Variants in SHISA3 observed in about 807,000 individuals in gnomAD.
SHISA3 encodes protein shisa-3 homolog.
Under a neutral mutation model 19.2 loss-of-function variants are expected in SHISA3, and 15 were observed. The observed-to-expected ratio is 0.78, with a 90% CI of 0.52 to 1.20. The LOEUF (loss-of-function observed/expected upper bound fraction) is 1.20, where lower values mean the gene tolerates loss of function less well. Ranked by LOEUF, SHISA3 falls within the 50% of genes most tolerant of loss-of-function variation. The pLI is 0.00. For synonymous variants in SHISA3, 145 were observed against 135.2 expected (o/e 1.07, Z -0.50); for missense variants, 327 against 315.7 (o/e 1.04, Z -0.27).
chr4:42,400,977 C>G, intron 1 of SHISA3, 35 bp from the exon 2 acceptor site: 2 of 1,592,850 alleles, frequency 1.3e-6, no homozygotes, highest in Non-Finnish European at 1.7e-6. Flanking sequence ...AGATCCTCAT[C>G]TGAGCATCTG....
rs866477983 is a variant in SHISA3, at chr4:42,398,297, G to T, written c.241G>T (p.Asp81Tyr). ...GCTGGAGCAGGGCGGCTGCACCAAC[G>T]ACCGCCGCGAACTGGAGCACCCAGG... is the stretch of plus-strand genomic sequence containing the variant. ...ARLEQGGCTN[D>Y]RRELEHPGIT... is the part of the protein sequence containing the mutation. The change falls in exon 1 of 2, where the codon GAC (aspartate) becomes TAC (tyrosine). Residue 81 changes from aspartate to tyrosine, a missense_variant. Physicochemically the swap from Asp to Tyr is radical, Grantham distance 160. Coordinates refer to ENST00000319234, the MANE Select transcript of SHISA3 (RefSeq NM_001080505.3). 19 of 1,561,590 alleles carry T rather than the reference G, an allele frequency of 1.2e-5. No homozygotes were observed. The highest frequency in any genetic ancestry group is 1.6e-5 in the Non-Finnish European group (19 of 1,154,554).
rs970715307 is a variant in SHISA3 at position 42,401,083 on chromosome 4, G to C, written c.349G>C (p.Ala117Pro). Reference protein sequence around the residue: ...IAFIILGSVVAIYCCTCLRPK... With the variant: ...IAFIILGSVVPIYCCTCLRPK... ...GTTCATCATCCTGGGCTCTGTAGTG[G>C]CTATTTATTGTTGCACCTGTTTGAG... Residue 117 changes from alanine to proline, a missense_variant, in exon 2 of 2, where the codon GCT (alanine) becomes CCT (proline). Physicochemically the swap from Ala to Pro is conservative, Grantham distance 27 (BLOSUM62 -1). Transcript: ENST00000319234. 1.2e-6 allele frequency: 2 copies of C among 1,614,182 alleles called. No homozygotes were observed. Among genetic ancestry groups the C allele is most frequent in the Non-Finnish European group, 8.5e-7 (1 of 1,180,026 alleles).
chr4:42,400,322 T>C (rs1711870895), intron 1 of SHISA3, among the ~76,000 whole-genome samples: 1 of 152,226 alleles, frequency 6.6e-6, no homozygotes, highest in Non-Finnish European at 1.5e-5. Context: ...GTGATCTATC[T>C]AAAGTTCAGT....
At chr4:42,399,427 A>G (rs1711844007) in intron 1 of SHISA3, among the ~76,000 whole-genome samples, 1 of 152,236 alleles carries the variant, frequency 6.6e-6, no homozygotes, top group African/African-American at 2.4e-5. Flanking sequence ...GTTCTGGAGA[A>G]AAGATGCTCA....
At position 42,397,538 on chromosome 4, in the gene SHISA3, C is replaced by T. The variant is rs1333701000; in HGVS notation, c.-519C>T. On this transcript the variant is annotated 5_prime_UTR_variant, in exon 1 of 2. Transcript: ENST00000319234. The stretch of plus-strand genomic sequence containing the variant: ...GGCCGCGGCGGAGCTGACTCCTGCT[C>T]CTGTGACAGATAGGGGCTGGGGCTG... Among the ~76,000 whole-genome samples the T allele has an allele frequency of 6.6e-6, 1 of 152,178 alleles. No homozygotes were observed. Among genetic ancestry groups the T allele is most frequent in the African/African-American group, 2.4e-5 (1 of 41,450 alleles).
intron 1 of SHISA3, among the ~76,000 whole-genome samples, chr4:42,399,466 TG>T (rs998824689): frequency 6.6e-6 from 1 of 152,218 alleles, no homozygotes; most frequent in African/African-American, 2.4e-5. Context: ...TAGGCCCTCC[TG>T]GCCTGTTAGA....
Position 42,398,199 on chromosome 4 carries a change from T to A in SHISA3, c.143T>A (p.Phe48Tyr). The A allele has an allele frequency of 6.2e-7, 1 of 1,604,460 alleles. No homozygotes were observed. The highest frequency in any genetic ancestry group is 1.1e-5 in the South Asian group (1 of 89,334). ...YHEGFQCPED[F>Y]DTLDATICCG... ...GAGGGCTTCCAGTGCCCAGAGGACT[T>A]CGACACGCTGGACGCTACCATCTGC... Residue 48 changes from phenylalanine to tyrosine, a missense_variant, in exon 1 of 2, where the codon TTC becomes TAC. Coordinates refer to ENST00000319234, the MANE Select transcript of SHISA3 (RefSeq NM_001080505.3).
Position 42,401,227 on chromosome 4 carries a change from G to A in SHISA3, c.493G>A (p.Ala165Thr). The A allele has an allele frequency of 1.9e-6, 3 of 1,614,196 alleles. No homozygotes were observed. Among genetic ancestry groups the A allele is most frequent in the Non-Finnish European group, 2.5e-6 (3 of 1,180,030 alleles). Residue 165 changes from alanine (A) to threonine (T), a missense_variant, in exon 2 of 2, where the codon GCC (alanine) becomes ACC (threonine). By Grantham distance (58) the Ala-to-Thr change is moderately conservative (BLOSUM62 0). Transcript: ENST00000319234. ...PRAPSRQSSTATSSSSTGGSI... is the reference protein window; with the variant it reads ...PRAPSRQSSTTTSSSSTGGSI... ...GGCACCCTCCCGGCAGTCCAGCACAGCCACGAGCTCCAGCTCCACAGGCGG... is the reference window on the plus strand; with the variant it reads ...GGCACCCTCCCGGCAGTCCAGCACAACCACGAGCTCCAGCTCCACAGGCGG...
In SHISA3 at chr4:42,402,295, CTAATTATTTAGTAGT is replaced by C; in HGVS notation, c.*845_*859del. On this transcript the variant is annotated 3_prime_UTR_variant, in exon 2 of 2. Coordinates refer to ENST00000319234, the MANE Select transcript of SHISA3 (RefSeq NM_001080505.3). ...TAATGTATTTACCACATTGACTGTACTAATTATTTAGTAGTCATACTGTAATTTTTATGTTAATAA... is the reference window on the plus strand; with the variant it reads ...TAATGTATTTACCACATTGACTGTACCATACTGTAATTTTTATGTTAATAA... The C allele has an allele frequency of 6.6e-6, 1 of 152,100 alleles. No individual in the cohort carries two copies. Among genetic ancestry groups the C allele is most frequent in the East Asian group, 1.9e-4 (1 of 5,180 alleles). The allele number at this position is 152,100 out of a possible 1,614,324, so 9.4% of individuals were successfully genotyped here. A position where few individuals can be genotyped will look rare whatever the true frequency, so the allele number is the denominator to read the frequency against.
At position 42,397,526 on chromosome 4, in the gene SHISA3, C is replaced by G. The variant is rs1026365902; in HGVS notation, c.-531C>G. Among the ~76,000 whole-genome samples, 3 of 152,206 alleles carry G rather than the reference C, an allele frequency of 2.0e-5. No individual in the cohort carries two copies. The highest frequency in any genetic ancestry group is 4.4e-5 in the Non-Finnish European group (3 of 68,022). On this transcript the variant is annotated 5_prime_UTR_variant, in exon 1 of 2. Coordinates refer to ENST00000319234, the MANE Select transcript of SHISA3 (RefSeq NM_001080505.3). Reference sequence around the variant, plus strand: ...CCGTTTGTACTTGGCCGCGGCGGAGCTGACTCCTGCTCCTGTGACAGATAG... The same window carrying G: ...CCGTTTGTACTTGGCCGCGGCGGAGGTGACTCCTGCTCCTGTGACAGATAG...
rs980038509 is a variant in SHISA3, at chr4:42,397,599, A to G, written c.-458A>G. On this transcript the variant is annotated 5_prime_UTR_variant, in exon 1 of 2. Transcript: ENST00000319234. ...TGTCTGGGGTACTCGCACGTGGGGA[A>G]CAAATTCTTTTCCTCCGGCTCCTCT... Among the ~76,000 whole-genome samples, 8 of 152,044 alleles carry G rather than the reference A, an allele frequency of 5.3e-5. No homozygotes were observed. Among genetic ancestry groups the G allele is most frequent in the African/African-American group, 1.7e-4 (7 of 41,406 alleles).
chr4:42,398,735 C>T (rs1711823289), intron 1 of SHISA3, among the ~76,000 whole-genome samples: 1 of 152,138 alleles, frequency 6.6e-6, no homozygotes, highest in Non-Finnish European at 1.5e-5. Context: ...CTTGTCACTT[C>T]GGGAGCTTCG....
Position 42,401,063 on chromosome 4 carries a change from T to C in SHISA3, c.329T>C (p.Ile110Thr). 1 of 1,614,200 alleles carries C rather than the reference T, an allele frequency of 6.2e-7. No homozygotes were observed. The highest frequency in any genetic ancestry group is 8.5e-7 in the Non-Finnish European group (1 of 1,180,034). ...GTCGGCTCCATCTTCATTGCGTTCA[T>C]CATCCTGGGCTCTGTAGTGGCTATT... The part of the protein sequence containing the change: ...LIVGSIFIAF[I>T]ILGSVVAIYC... Residue 110 changes from isoleucine (I) to threonine (T), a missense_variant, in exon 2 of 2, where the codon ATC becomes ACC. Coordinates refer to ENST00000319234, the MANE Select transcript of SHISA3 (RefSeq NM_001080505.3).
At chr4:42,399,591 C>T (rs1180980919) in intron 1 of SHISA3, among the ~76,000 whole-genome samples, 1 of 152,258 alleles carries the variant, frequency 6.6e-6, no homozygotes, top group South Asian at 2.1e-4. Flanking sequence ...GCGCTCCCTA[C>T]TCGGCTCGGA....
chr4:42,400,917 G>A (rs902324743), intron 1 of SHISA3, 95 bp from the exon 2 acceptor site: 1 of 1,266,860 alleles, frequency 7.9e-7, no homozygotes, highest in Non-Finnish European at 1.1e-6. Context: ...TAGTAACTGA[G>A]TCTCCCACCT....
intron 1 of SHISA3, among the ~76,000 whole-genome samples, chr4:42,399,902 A>G: frequency 6.6e-6 from 1 of 152,358 alleles, no homozygotes; most frequent in East Asian, 1.9e-4. Flanking sequence ...AGGGACACAG[A>G]AGAGCTTACG....
At chr4:42,399,974 C>T (rs116517136) in intron 1 of SHISA3, among the ~76,000 whole-genome samples, 7,622 of 152,278 alleles carry the variant, frequency 0.05, 600 homozygotes, top group African/African-American at 0.17. Context: ...TGTGGGAATG[C>T]GCAAACTTCT....
At position 42,401,073 on chromosome 4, in the gene SHISA3, C is replaced by G; in HGVS notation, c.339C>G (p.Gly113=). 1 of 1,614,180 alleles carries G rather than the reference C, an allele frequency of 6.2e-7. No homozygotes were observed. The highest frequency in any genetic ancestry group is 1.1e-5 in the South Asian group (1 of 91,082). ...TCTTCATTGCGTTCATCATCCTGGG[C>G]TCTGTAGTGGCTATTTATTGTTGCA... ...GSIFIAFIIL[G]SVVAIYCCTC... is the part of the protein sequence containing the mutation. The change falls in exon 2 of 2, where the codon GGC becomes GGG. Residue 113 remains glycine, a synonymous_variant. Transcript: ENST00000319234.
Position 42,398,003 on chromosome 4 carries a change from C to T in SHISA3, c.-54C>T, listed in dbSNP as rs1711792097. 6.9e-7 allele frequency: 1 copy of T among 1,454,500 alleles called. No homozygotes were observed. The highest frequency in any genetic ancestry group is 9.1e-7 in the Non-Finnish European group (1 of 1,101,542). The allele number at this position is 1,454,500 out of a possible 1,614,324, so 90.1% of individuals were successfully genotyped here. ...CTGTGCGCCCTGAGCCCGGGCTCAG[C>T]CCTTCGCTTTCCAGCTGCGTCCTGC... On this transcript the variant is annotated 5_prime_UTR_variant, in exon 1 of 2. Coordinates refer to ENST00000319234, the MANE Select transcript of SHISA3 (RefSeq NM_001080505.3).
Sources: gnomAD v4.1 joint callset for allele counts (sites outside exome capture counted in the v4.1 genomes callset) on GRCh38, gnomAD v4.1.1 for gene constraint, MANE v1.5 for transcripts, NCBI Gene and HGNC (gene_info 2026-07-23, HGNC 2026-07-21) for gene names.